The following KCNN3 variants were observed in gnomAD, a reference collection of about 807,000 sequenced individuals.
KCNN3 encodes the protein small conductance calcium-activated potassium channel protein 3.
A neutral mutation model predicts 62.9 loss-of-function variants in KCNN3; 16 were observed. The ratio of observed to expected loss-of-function variants is 0.25; its 90% CI spans 0.17 to 0.39. KCNN3 has a LOEUF of 0.39. Among genes scored for constraint, KCNN3 ranks in the 10% least tolerant of loss-of-function variants. The pLI, the probability that KCNN3 is intolerant of heterozygous loss-of-function variation, is 1.00. For synonymous variants in KCNN3, 370 were observed against 389.2 expected, an observed-to-expected ratio of 0.95 and a Z score of 0.58; for missense variants, 599 against 949.4, an observed-to-expected ratio of 0.63 and a Z score of 4.85.
Position 154,809,146 on chromosome 1 carries a change from T to G in KCNN3, c.1029+12943A>C, listed in dbSNP as rs1438206443. 1.3e-5 allele frequency among the ~76,000 whole-genome samples: 2 copies of G among 152,172 alleles called. No individual in the cohort carries two copies. The highest frequency in any genetic ancestry group is 4.8e-5 in the African/African-American group (2 of 41,444). On this transcript the variant is annotated intron_variant, in intron 2 of 7. Coordinates refer to ENST00000271915, the MANE Select transcript of KCNN3 (RefSeq NM_002249.6). The surrounding 1 kb of genome is among the most constrained non-coding windows in gnomAD (Gnocchi z 4.3). ...CCACGGTGGCCATGCCTCAGCACTC[T>G]CCTGTGACACAACGTGATCTCACCG... is the stretch of plus-strand genomic sequence containing the variant.
chr1:154,820,913 G>C (rs1650863482), intron 2 of KCNN3, among the ~76,000 whole-genome samples: 1 of 152,208 alleles, frequency 6.6e-6, no homozygotes, highest in African/African-American at 2.4e-5. Context: ...AAAAAGCCAA[G>C]GCTCTCTAAG....
At chr1:154,742,899 G>A (rs933129747) in intron 3 of KCNN3, among the ~76,000 whole-genome samples, 1 of 152,212 alleles carries the variant, frequency 6.6e-6, no homozygotes, top group African/African-American at 2.4e-5. Flanking sequence ...AGAACAGGCA[G>A]CAGATGCTGC....
chr1:154,845,172 T>C (rs112760634), intron 1 of KCNN3, among the ~76,000 whole-genome samples: 6 of 152,280 alleles, frequency 3.9e-5, no homozygotes, highest in African/African-American at 1.4e-4. Context: ...ACTCTTCCCA[T>C]TGAGCTCAGA....
In KCNN3 at chr1:154,705,748, A is replaced by C. The variant is rs1025293484; in HGVS notation, c.*2228T>G. 6.6e-6 allele frequency: 1 copy of C among 152,244 alleles called. No individual in the cohort carries two copies. 9.4% of individuals were successfully genotyped at this position (152,244 alleles called of 1,614,324 possible). ...TCACACCCACACGCACACATATCAC[A>C]GGGTTATAGCAGAATGAAAACGGTG... On this transcript the variant is annotated 3_prime_UTR_variant, in exon 8 of 8. Coordinates refer to ENST00000271915, the MANE Select transcript of KCNN3 (RefSeq NM_002249.6).
At chr1:154,829,701 T>G (rs1651304444) in intron 1 of KCNN3, among the ~76,000 whole-genome samples, 1 of 152,148 alleles carries the variant, frequency 6.6e-6, no homozygotes, top group African/African-American at 2.4e-5. Context: ...TCTTCAGTCC[T>G]CCTGTGCCCT....
chr1:154,740,082 T>C (rs1557951137), intron 3 of KCNN3, among the ~76,000 whole-genome samples: 1 of 152,254 alleles, frequency 6.6e-6, no homozygotes, highest in South Asian at 2.1e-4. Flanking sequence ...TGAACTCTTC[T>C]ATGAATTGCT....
chr1:154,852,058 G>C (rs879268618), intron 1 of KCNN3, among the ~76,000 whole-genome samples: 23 of 152,196 alleles, frequency 1.5e-4, no homozygotes, highest in Non-Finnish European at 2.9e-4. Flanking sequence ...GTGAGGACAC[G>C]AGCCACGTGT....
chr1:154,778,614 T>C (rs1477413053), intron 2 of KCNN3, among the ~76,000 whole-genome samples: 4 of 136,184 alleles, frequency 2.9e-5, no homozygotes, highest in African/African-American at 1.1e-4. Flanking sequence ...TCTGTCTCTT[T>C]TTTTTTTTTT....
At chr1:154,761,433 A>G (rs932726701) in intron 3 of KCNN3, among the ~76,000 whole-genome samples, 2 of 152,186 alleles carry the variant, frequency 1.3e-5, no homozygotes, top group African/African-American at 4.8e-5. Context: ...GCGCCACTGC[A>G]CTACAGCCCG....
chr1:154,773,241 C>CAGATAG (rs1648648114), intron 2 of KCNN3, among the ~76,000 whole-genome samples: 1 of 152,184 alleles, frequency 6.6e-6, no homozygotes, highest in Admixed American at 6.5e-5. Flanking sequence ...CATGGAGGTC[C>CAGATAG]CTGGACACGT....
At chr1:154,779,167 G>A (rs1464373530) in intron 2 of KCNN3, among the ~76,000 whole-genome samples, 1 of 152,062 alleles carries the variant, frequency 6.6e-6, no homozygotes, top group African/African-American at 2.4e-5. Flanking sequence ...GCTGAGCCCA[G>A]CCCAAATGAC....
At position 154,698,530 on chromosome 1, in the gene KCNN3, T is replaced by G. The variant is rs576970165; in HGVS notation, c.*9446A>C. ...AAAGAAGTATAATGTGTCCTTGAGC[T>G]TTGAGCACAGCAATGGAAACCTGGC... On this transcript the variant is annotated 3_prime_UTR_variant, in exon 8 of 8. Transcript: ENST00000271915. 9.2e-5 allele frequency: 14 copies of G among 152,338 alleles called. No individual in the cohort carries two copies. In the South Asian group the frequency reaches 2.1e-3, roughly 23 times the overall value. 9.4% of individuals were successfully genotyped at this position (152,338 alleles called of 1,614,324 possible). A position where few individuals can be genotyped will look rare whatever the true frequency, so the allele number is the denominator to read the frequency against.
intron 3 of KCNN3, among the ~76,000 whole-genome samples, chr1:154,758,228 T>C (rs1389363420): frequency 6.6e-6 from 1 of 152,164 alleles, no homozygotes; most frequent in Non-Finnish European, 1.5e-5. Flanking sequence ...ATGACTCTGG[T>C]CAGGTTAAGT....
intron 3 of KCNN3, chr1:154,737,165 C>A: frequency 4.1e-6 from 2 of 486,122 alleles, no homozygotes; most frequent in Non-Finnish European, 3.9e-6. Flanking sequence ...ATGTCACAAA[C>A]TCACATACTA....
chr1:154,805,772 C>A (rs1262744670), intron 2 of KCNN3, among the ~76,000 whole-genome samples: 1 of 152,182 alleles, frequency 6.6e-6, no homozygotes, highest in Non-Finnish European at 1.5e-5. Flanking sequence ...GCCTCAGTTT[C>A]CTCATCTACA....
intron 3 of KCNN3, among the ~76,000 whole-genome samples, chr1:154,770,065 G>A (rs981643477): frequency 1.3e-5 from 2 of 152,260 alleles, no homozygotes; most frequent in African/African-American, 4.8e-5. Context: ...CCAAGCACAT[G>A]CTTTCTCCAT....
At chr1:154,854,125 C>T (rs983864220) in intron 1 of KCNN3, among the ~76,000 whole-genome samples, 3 of 151,932 alleles carry the variant, frequency 2.0e-5, no homozygotes, top group Non-Finnish European at 2.9e-5. Flanking sequence ...GTCCCAGCTA[C>T]TCGGGAGGCT....
rs888611221 is a variant in KCNN3, at chr1:154,702,677, G to A, written c.*5299C>T. The A allele has an allele frequency of 5.2e-5, 7 of 134,032 alleles. No individual in the cohort carries two copies. Among genetic ancestry groups the A allele is most frequent in the Admixed American group, 8.0e-5 (1 of 12,548 alleles). 8.3% of individuals were successfully genotyped at this position (134,032 alleles called of 1,614,324 possible). A position where few individuals can be genotyped will look rare whatever the true frequency, so the allele number is the denominator to read the frequency against. ...TTGTCCTTCTTGAGTGAAGCTGGAC[G>A]TTGGCTGCTTCGATCTGATTCAGAT... On this transcript the variant is annotated 3_prime_UTR_variant, in exon 8 of 8. Transcript: ENST00000271915.
At chr1:154,733,304 C>T (rs965731517) in intron 3 of KCNN3, among the ~76,000 whole-genome samples, 160 bp from the exon 4 acceptor site, 5 of 152,196 alleles carry the variant, frequency 3.3e-5, no homozygotes, top group Non-Finnish European at 7.3e-5. Context: ...GAAGGGGCTG[C>T]AACTGTGCCC....
Sources: gnomAD v4.1 joint callset for allele counts (sites outside exome capture counted in the v4.1 genomes callset) on GRCh38, gnomAD v4.1.1 for gene constraint, Gnocchi (gnomAD v3.1) non-coding constraint, MANE v1.5 for transcripts, NCBI Gene and HGNC (gene_info 2026-07-23, HGNC 2026-07-21) for gene names.